RIN3: variants seen among roughly 807,000 people sequenced by gnomAD.
The protein encoded by RIN3 is RAB5 interacting protein 3.
RIN3 carries 54 observed loss-of-function variants against 76.3 expected under a neutral mutation model. That is an observed-to-expected ratio of 0.71 (90% CI 0.57 to 0.89). RIN3 has a LOEUF of 0.89. RIN3 is among the 40% of genes least tolerant of loss of function. RIN3 has a pLI of 0.00. For missense variants in RIN3, 1,256 were observed against 1,322.1 expected, an observed-to-expected ratio of 0.95 and a Z score of 0.78; for synonymous variants, 576 against 564.0, an observed-to-expected ratio of 1.02 and a Z score of -0.30.
At position 92,649,051 on chromosome 14, in the gene RIN3, A is replaced by G. The variant is rs77896140; in HGVS notation, c.533-2531A>G. On this transcript the variant is annotated intron_variant, in intron 5 of 9. Coordinates refer to ENST00000216487, the MANE Select transcript of RIN3 (RefSeq NM_024832.5). ...ATGCCAGAGAAGATGTGCAGGGGCC[A>G]GTTCCTGCAGACTGGAATGCCAGGC... Among the ~76,000 whole-genome samples, 1,170 of 152,320 alleles carry G rather than the reference A, an allele frequency of 7.7e-3. 24 individuals are homozygous for G. The highest frequency in any genetic ancestry group is 0.027 in the African/African-American group (1,111 of 41,566).
intron 2 of RIN3, among the ~76,000 whole-genome samples, chr14:92,564,436 C>T (rs1397820026): frequency 1.3e-5 from 2 of 152,170 alleles, no homozygotes; most frequent in Non-Finnish European, 2.9e-5. Flanking sequence ...CTCTTAGGGA[C>T]TGGGAAAGAC....
intron 2 of RIN3, among the ~76,000 whole-genome samples, chr14:92,561,597 C>G (rs941944649): frequency 2.6e-5 from 4 of 152,124 alleles, no homozygotes; most frequent in Admixed American, 2.6e-4. Context: ...TTGTTAACAT[C>G]TAGCATTAGT....
At chr14:92,662,238 G>T (rs1325156567) in intron 7 of RIN3, among the ~76,000 whole-genome samples, 1 of 151,298 alleles carries the variant, frequency 6.6e-6, no homozygotes, top group East Asian at 1.9e-4. Flanking sequence ...CTCTGCAGCA[G>T]CAGGGGTCGG....
chr14:92,684,848 T>A, intron 8 of RIN3, 139 bp from the exon 9 acceptor site: 1 of 899,904 alleles, frequency 1.1e-6, no homozygotes, highest in Non-Finnish European at 1.8e-6. Context: ...AGCTCAGCTG[T>A]TGAAGCAGGT....
At chr14:92,579,828 A>G (rs1898378530) in intron 3 of RIN3, among the ~76,000 whole-genome samples, 1 of 152,260 alleles carries the variant, frequency 6.6e-6, no homozygotes, top group African/African-American at 2.4e-5. Flanking sequence ...TGTGCAGTAT[A>G]GCATTACTGC....
At chr14:92,516,401 G>A (rs942894209) in intron 1 of RIN3, among the ~76,000 whole-genome samples, 12 of 152,176 alleles carry the variant, frequency 7.9e-5, no homozygotes, top group Admixed American at 5.9e-4. Flanking sequence ...TCTTCTGGGT[G>A]GGGCCCACCT....
intron 4 of RIN3, among the ~76,000 whole-genome samples, chr14:92,621,235 C>CAAAAAAAAAAAAAAAAA (rs572318532): frequency 8.5e-5 from 6 of 70,696 alleles, no homozygotes; most frequent in African/African-American, 3.1e-4. Flanking sequence ...GACTCCGTCT[C>CAAAAAAAAAAAAAAAAA]AAAAAAAAAA....
At chr14:92,539,239 G>A (rs1237113129) in intron 1 of RIN3, among the ~76,000 whole-genome samples, 2 of 152,118 alleles carry the variant, frequency 1.3e-5, no homozygotes, top group Non-Finnish European at 2.9e-5. Flanking sequence ...ATTACGTTAA[G>A]CCCAGAGTGG....
At chr14:92,603,480 A>T (rs1885416448) in intron 3 of RIN3, among the ~76,000 whole-genome samples, 1 of 152,098 alleles carries the variant, frequency 6.6e-6, no homozygotes, top group South Asian at 2.1e-4. Context: ...AGGGTGTGGG[A>T]GGGGCTCAGT....
intron 3 of RIN3, among the ~76,000 whole-genome samples, chr14:92,604,890 T>C (rs1885469409): frequency 6.7e-6 from 1 of 149,324 alleles, no homozygotes; most frequent in African/African-American, 2.5e-5. Flanking sequence ...TTCCTGTCAA[T>C]TTCCTTATCC....
At position 92,681,387 on chromosome 14, in the gene RIN3, G is replaced by A. The variant is rs1292115798; in HGVS notation, c.2468-3600G>A. Among the ~76,000 whole-genome samples, 1 of 152,226 alleles carries A rather than the reference G, an allele frequency of 6.6e-6. No homozygotes were observed. Among genetic ancestry groups the A allele is most frequent in the Non-Finnish European group, 1.5e-5 (1 of 68,042 alleles). Reference sequence around the variant, plus strand: ...CTGCTCCCCTTTCACCTGCGAGGGTGAGACACCCCCAGAGCACCTCCCTGA... The same window carrying A: ...CTGCTCCCCTTTCACCTGCGAGGGTAAGACACCCCCAGAGCACCTCCCTGA... On this transcript the variant is annotated intron_variant, in intron 8 of 9. Coordinates refer to ENST00000216487, the MANE Select transcript of RIN3 (RefSeq NM_024832.5). This position sits in a 1 kb window ranked among gnomAD's most constrained non-coding sequence, Gnocchi z 4.7.
At chr14:92,620,217 A>T (rs2140108452) in intron 4 of RIN3, among the ~76,000 whole-genome samples, 1 of 152,308 alleles carries the variant, frequency 6.6e-6, no homozygotes, top group South Asian at 2.1e-4. Context: ...AGAAACTCTT[A>T]CCCTTTTGCT....
At chr14:92,627,025 C>T (rs1003964804) in intron 4 of RIN3, among the ~76,000 whole-genome samples, 1 of 152,152 alleles carries the variant, frequency 6.6e-6, no homozygotes, top group African/African-American at 2.4e-5. Context: ...AATGAAACAA[C>T]AATATTTTAT....
chr14:92,615,576 G>C (rs1481753597), intron 4 of RIN3, 97 bp downstream of exon 4: 3 of 1,034,664 alleles, frequency 2.9e-6, no homozygotes, highest in Non-Finnish European at 4.6e-6. Flanking sequence ...AAGCCCCAGA[G>C]GGAGGGGTGT....
chr14:92,554,087 C>T (rs1897511875), intron 1 of RIN3, among the ~76,000 whole-genome samples: 1 of 152,190 alleles, frequency 6.6e-6, no homozygotes, highest in African/African-American at 2.4e-5. Context: ...AGGCACCATC[C>T]ACAGCTTCAT....
chr14:92,562,213 A>G (rs1028839433), intron 2 of RIN3, among the ~76,000 whole-genome samples: 1 of 152,206 alleles, frequency 6.6e-6, no homozygotes, highest in African/African-American at 2.4e-5. Context: ...GGAAGACCAC[A>G]CTGGTAAAAT....
intron 7 of RIN3, among the ~76,000 whole-genome samples, chr14:92,665,135 T>G (rs1430527106): frequency 2.0e-5 from 3 of 152,220 alleles, no homozygotes; most frequent in African/African-American, 7.2e-5. Context: ...CTGAGCTGTA[T>G]GGTATGGTCC....
intron 5 of RIN3, 88 bp downstream of exon 5, chr14:92,641,417 G>A (rs955535393): frequency 1.0e-5 from 10 of 953,332 alleles, no homozygotes; most frequent in Admixed American, 7.9e-5. Flanking sequence ...TGTGCAGAGG[G>A]ACAGCCTGAG....
Position 92,659,308 on chromosome 14 carries a change from C to T in RIN3, c.2174C>T (p.Thr725Ile). ...NQLVILATTT[T>I]DLGVTTSVPE... Reference sequence around the variant, plus strand: ...TTAGTGATCCTGGCCACCACCACCACTGACCTAGGTGTGACCACCAGCGTG... The same window carrying T: ...TTAGTGATCCTGGCCACCACCACCATTGACCTAGGTGTGACCACCAGCGTG... The change falls in exon 7 of 10, where the codon ACT (threonine) becomes ATT (isoleucine). Residue 725 changes from threonine (T) to isoleucine (I), a missense_variant. By Grantham distance (89) the Thr-to-Ile change is moderately conservative. Transcript: ENST00000216487. 1 of 1,613,524 alleles carries T rather than the reference C, an allele frequency of 6.2e-7. No individual in the cohort carries two copies. The highest frequency in any genetic ancestry group is 8.5e-7 in the Non-Finnish European group (1 of 1,179,642).
Sources: gnomAD v4.1 joint callset for allele counts (sites outside exome capture counted in the v4.1 genomes callset) on GRCh38, gnomAD v4.1.1 for gene constraint, Gnocchi (gnomAD v3.1) non-coding constraint, MANE v1.5 for transcripts, NCBI Gene and HGNC (gene_info 2026-07-23, HGNC 2026-07-21) for gene names.